Variants in ASIC2 observed in about 807,000 individuals in gnomAD.
The protein encoded by ASIC2 is acid sensing ion channel subunit 2.
ASIC2 carries 25 observed loss-of-function variants against 57.3 expected under a neutral mutation model. The ratio of observed to expected loss-of-function variants is 0.44; its 90% CI spans 0.32 to 0.61. The LOEUF is 0.61. ASIC2 is among the 20% of genes least tolerant of loss of function. ASIC2 has a pLI of 0.06. For synonymous variants in ASIC2, 319 were observed against 307.5 expected, an observed-to-expected ratio of 1.04 and a Z score of -0.39; for missense variants, 641 against 738.1, an observed-to-expected ratio of 0.87 and a Z score of 1.52.
chr17:33,179,222 T>C (rs557445130), intron 1 of ASIC2, among the ~76,000 whole-genome samples: 1 of 152,184 alleles, frequency 6.6e-6, no homozygotes, highest in Admixed American at 6.5e-5. Flanking sequence ...GCTCCTTCCA[T>C]CCTTCCAGTT....
At chr17:33,625,164 T>TATCTATCTATCTATC (rs1905939499) in intron 1 of ASIC2, among the ~76,000 whole-genome samples, 1 of 151,806 alleles carries the variant, frequency 6.6e-6, no homozygotes, top group Non-Finnish European at 1.5e-5. Flanking sequence ...TCTATCTATC[T>TATCTATCTATCTATC]ATCTATCTAT....
chr17:33,883,398 A>C (rs574976402), intron 1 of ASIC2, among the ~76,000 whole-genome samples: 1 of 152,362 alleles, frequency 6.6e-6, no homozygotes, highest in South Asian at 2.1e-4. Flanking sequence ...GTATCCAGGA[A>C]GAAGCAGGTG....
intron 1 of ASIC2, among the ~76,000 whole-genome samples, chr17:33,631,620 G>C (rs572811820): frequency 3.3e-5 from 5 of 152,238 alleles, no homozygotes; most frequent in African/African-American, 1.2e-4. Flanking sequence ...ATTATGCCTG[G>C]CACATTGACA....
chr17:33,484,296 AT>A (rs1052439040), intron 1 of ASIC2, among the ~76,000 whole-genome samples: 1 of 152,262 alleles, frequency 6.6e-6, no homozygotes, highest in African/African-American at 2.4e-5. Flanking sequence ...TTCAAGGCAT[AT>A]AGGGAAGTTC....
chr17:33,440,890 A>G (rs1010208580), intron 1 of ASIC2, among the ~76,000 whole-genome samples: 2 of 152,050 alleles, frequency 1.3e-5, no homozygotes, highest in African/African-American at 4.8e-5. Context: ...TCAAATATTT[A>G]TATTATTTGC....
At chr17:33,452,078 C>T (rs1042604976) in intron 1 of ASIC2, among the ~76,000 whole-genome samples, 3 of 152,206 alleles carry the variant, frequency 2.0e-5, no homozygotes, top group East Asian at 1.9e-4. Context: ...GAAATGAAAA[C>T]TTGGAATACC....
chr17:34,107,906 T>C (rs564897448), intron 1 of ASIC2, among the ~76,000 whole-genome samples: 2 of 152,296 alleles, frequency 1.3e-5, no homozygotes, highest in African/African-American at 4.8e-5. Context: ...AATACGTAAT[T>C]AGAAAAGTGT....
chr17:33,890,408 T>C (rs191215428), intron 1 of ASIC2, among the ~76,000 whole-genome samples: 2 of 152,378 alleles, frequency 1.3e-5, no homozygotes, highest in African/African-American at 4.8e-5. Flanking sequence ...AGCTGCATTC[T>C]ACCCAATAAT....
In ASIC2 at chr17:33,412,501, G is replaced by A. The variant is rs528354076; in HGVS notation, c.556-300434C>T. Among the ~76,000 whole-genome samples the A allele has an allele frequency of 3.9e-5, 6 of 152,346 alleles. No individual in the cohort carries two copies. The East Asian group carries it at 1.2e-3, about 29-fold the overall frequency. On this transcript the variant is annotated intron_variant, in intron 1 of 9. Transcript: ENST00000359872. The stretch of plus-strand genomic sequence containing the variant: ...GTCCACATTAATCTTCCCTTGCAGA[G>A]AGGAAGGCTCAGAGAAGTCAAATAA...
At chr17:33,409,220 T>C (rs531269414) in intron 1 of ASIC2, among the ~76,000 whole-genome samples, 1 of 152,094 alleles carries the variant, frequency 6.6e-6, no homozygotes, top group South Asian at 2.1e-4. Context: ...GTCTAAAAAA[T>C]AATTTTTTTA....
At chr17:33,495,257 TC>T (rs1913890932) in intron 1 of ASIC2, among the ~76,000 whole-genome samples, 1 of 152,156 alleles carries the variant, frequency 6.6e-6, no homozygotes, top group Non-Finnish European at 1.5e-5. Flanking sequence ...ATTTTAAAAA[TC>T]TTGCCAGGGA....
chr17:33,571,600 TG>T (rs1487981527), intron 1 of ASIC2, among the ~76,000 whole-genome samples: 1 of 152,214 alleles, frequency 6.6e-6, no homozygotes, highest in Non-Finnish European at 1.5e-5. Flanking sequence ...CACACATAAA[TG>T]TGTGAAATGC....
At chr17:34,049,882 C>A (rs1175074523) in intron 1 of ASIC2, among the ~76,000 whole-genome samples, 1 of 152,140 alleles carries the variant, frequency 6.6e-6, no homozygotes, top group Admixed American at 6.5e-5. Flanking sequence ...CTTCAATAAA[C>A]CCTGTTTCTC....
rs573461825 is a variant in ASIC2 at position 33,324,989 on chromosome 17, G to C, written c.556-212922C>G. On this transcript the variant is annotated intron_variant, in intron 1 of 9. Coordinates refer to the ASIC2 transcript ENST00000359872. ...CCACAACAGATAGAGGAGAGGGGAG[G>C]GAAGAAGAGGGGGTGAATGCTGACT... 1.6e-4 allele frequency among the ~76,000 whole-genome samples: 24 copies of C among 152,318 alleles called. No individual in the cohort carries two copies. The South Asian group carries it at 4.8e-3, about 30-fold the overall frequency.
intron 1 of ASIC2, among the ~76,000 whole-genome samples, chr17:33,806,460 G>A (rs1912270877): frequency 6.6e-6 from 1 of 152,230 alleles, no homozygotes; most frequent in South Asian, 2.1e-4. Flanking sequence ...GTGGGCCATA[G>A]TTTGCTTACT....
intron 1 of ASIC2, among the ~76,000 whole-genome samples, chr17:33,230,644 T>G (rs113047625): frequency 0.017 from 2,597 of 152,064 alleles, 60 homozygotes; most frequent in African/African-American, 0.054. Flanking sequence ...CATGACTGTA[T>G]GTACCAAATA....
chr17:33,275,759 C>A (rs965851290), intron 1 of ASIC2, among the ~76,000 whole-genome samples: 1 of 152,214 alleles, frequency 6.6e-6, no homozygotes, highest in African/African-American at 2.4e-5. Flanking sequence ...CCACAGTAAT[C>A]TCTCAGGGCA....
chr17:33,779,149 G>T (rs10512455), intron 1 of ASIC2, among the ~76,000 whole-genome samples: 7,543 of 152,206 alleles, frequency 0.05, 253 homozygotes, highest in South Asian at 0.18. Context: ...CCATTCCAGG[G>T]TAATAAGTAA....
chr17:33,785,576 A>G (rs1256107246), intron 1 of ASIC2, among the ~76,000 whole-genome samples: 4 of 152,160 alleles, frequency 2.6e-5, no homozygotes, highest in African/African-American at 4.8e-5. Flanking sequence ...ACTAATGCCT[A>G]TATTTTTCAT....
Sources: gnomAD v4.1 joint callset for allele counts (sites outside exome capture counted in the v4.1 genomes callset) on GRCh38, gnomAD v4.1.1 for gene constraint, MANE v1.5 for transcripts, NCBI Gene and HGNC (gene_info 2026-07-23, HGNC 2026-07-21) for gene names.